ADAMTSL1: variants seen among roughly 807,000 people sequenced by gnomAD.
The protein encoded by ADAMTSL1 is ADAMTS-like protein 1.
Under a neutral mutation model 201.8 loss-of-function variants are expected in ADAMTSL1, and 126 were observed. That is an observed-to-expected ratio of 0.62 (90% CI 0.54 to 0.72). The LOEUF is 0.72. Ranked by LOEUF, ADAMTSL1 falls within the 30% of genes least tolerant of loss-of-function variation. The probability of loss-of-function intolerance (pLI) is 0.00; values close to 1 mark genes in which losing one functional copy is unlikely to be tolerated. For synonymous variants in ADAMTSL1, 1,121 were observed against 903.4 expected (o/e 1.24, Z -4.32); for missense variants, 2,679 against 2,277.8 (o/e 1.18, Z -3.59).
chr9:18,215,288 ATAATC>A (rs1394450874), intron 2 of ADAMTSL1, among the ~76,000 whole-genome samples: 1 of 152,206 alleles, frequency 6.6e-6, no homozygotes, highest in Non-Finnish European at 1.5e-5. Context: ...AATACTGAAA[ATAATC>A]TAACAACTAT....
At chr9:18,708,026 T>G (rs1187297834) in intron 14 of ADAMTSL1, among the ~76,000 whole-genome samples, 1 of 152,268 alleles carries the variant, frequency 6.6e-6, no homozygotes, top group Non-Finnish European at 1.5e-5. Context: ...GCTGATTTCT[T>G]GCCAGATCTT....
intron 2 of ADAMTSL1, among the ~76,000 whole-genome samples, chr9:18,207,890 G>A (rs1331043798): frequency 6.6e-6 from 1 of 151,996 alleles, no homozygotes; most frequent in East Asian, 1.9e-4. Context: ...AAAAAAACAA[G>A]ATAGAATAAG....
At chr9:17,981,306 A>G (rs1028208024) in intron 1 of ADAMTSL1, among the ~76,000 whole-genome samples, 1 of 152,224 alleles carries the variant, frequency 6.6e-6, no homozygotes, top group Non-Finnish European at 1.5e-5. Context: ...GTGTTCTGCT[A>G]TTGCAGACTG....
intron 20 of ADAMTSL1, among the ~76,000 whole-genome samples, chr9:18,810,131 T>A (rs1823410693): frequency 6.6e-6 from 1 of 152,160 alleles, no homozygotes; most frequent in Non-Finnish European, 1.5e-5. Flanking sequence ...AACTGCTTCC[T>A]CCCATTGTGG....
At chr9:18,194,843 C>G (rs1219771892) in intron 2 of ADAMTSL1, among the ~76,000 whole-genome samples, 1 of 152,064 alleles carries the variant, frequency 6.6e-6, no homozygotes, top group Non-Finnish European at 1.5e-5. Context: ...CGCCTTTATT[C>G]CTGGCCAAGT....
intron 2 of ADAMTSL1, among the ~76,000 whole-genome samples, chr9:18,325,868 G>A (rs565059665): frequency 2.1e-3 from 318 of 152,180 alleles, no homozygotes; most frequent in African/African-American, 7.2e-3. Flanking sequence ...CGCCTCCCGC[G>A]TCGCTGGGAT....
At chr9:18,253,635 C>T (rs370512664) in intron 2 of ADAMTSL1, among the ~76,000 whole-genome samples, 4 of 152,262 alleles carry the variant, frequency 2.6e-5, no homozygotes, top group Non-Finnish European at 4.4e-5. Flanking sequence ...GGGGAAAATG[C>T]TTCTTTCTAG....
intron 1 of ADAMTSL1, among the ~76,000 whole-genome samples, chr9:17,979,918 T>A (rs954900077): frequency 9.2e-5 from 14 of 152,010 alleles, no homozygotes; most frequent in Admixed American, 9.2e-4. Flanking sequence ...TCTGCTTGGG[T>A]CCAGAAGGAC....
chr9:18,902,715 A>C (rs1382738510), intron 26 of ADAMTSL1, among the ~76,000 whole-genome samples: 1 of 152,134 alleles, frequency 6.6e-6, no homozygotes, highest in Non-Finnish European at 1.5e-5. Context: ...AGCAAACTAA[A>C]CCTAACGCTA....
At chr9:18,243,456 A>T (rs2132458807) in intron 2 of ADAMTSL1, among the ~76,000 whole-genome samples, 1 of 152,214 alleles carries the variant, frequency 6.6e-6, no homozygotes, top group East Asian at 1.9e-4. Context: ...AAATCCGATT[A>T]TGTTTTATCA....
intron 20 of ADAMTSL1, among the ~76,000 whole-genome samples, chr9:18,805,096 C>T (rs903160822): frequency 1.3e-5 from 2 of 152,154 alleles, no homozygotes; most frequent in African/African-American, 4.8e-5. Flanking sequence ...TTCTTGAACT[C>T]TAATGGGGGT....
chr9:18,338,883 T>C (rs1323488421), intron 2 of ADAMTSL1, among the ~76,000 whole-genome samples: 3 of 152,164 alleles, frequency 2.0e-5, no homozygotes, highest in Non-Finnish European at 4.4e-5. Flanking sequence ...GTATTTGGTT[T>C]TCTGTTCCTG....
rs1167361888 is a variant in ADAMTSL1 at position 18,286,587 on chromosome 9, C to T, written c.207+122606C>T. On this transcript the variant is annotated intron_variant, in intron 2 of 29. Coordinates refer to the ADAMTSL1 transcript ENST00000680146. ...GCAGTTTATGGTTTTCAGATATAATCATTTTAATGCAGCAGTCCAGAAATA... is the reference window on the plus strand; with the variant it reads ...GCAGTTTATGGTTTTCAGATATAATTATTTTAATGCAGCAGTCCAGAAATA... Among the ~76,000 whole-genome samples the T allele has an allele frequency of 1.3e-4, 7 of 54,670 alleles. 2 individuals are homozygous for T. The highest frequency in any genetic ancestry group is 3.0e-4 in the Non-Finnish European group (6 of 19,826). 35.9% of individuals were successfully genotyped at this position (54,670 alleles called of 152,430 possible).
At chr9:18,269,042 T>C (rs936629847) in intron 2 of ADAMTSL1, among the ~76,000 whole-genome samples, 1 of 152,142 alleles carries the variant, frequency 6.6e-6, no homozygotes, top group Admixed American at 6.6e-5. Context: ...GTATATAACT[T>C]ACACAGTCTA....
intron 2 of ADAMTSL1, among the ~76,000 whole-genome samples, chr9:18,409,738 TC>T (rs1367988916): frequency 1.6e-4 from 24 of 150,568 alleles, no homozygotes; most frequent in African/African-American, 5.6e-4. Context: ...CATATAAGTA[TC>T]ATGTATATAT....
At chr9:18,886,166 G>GTATA (rs751978972) in intron 23 of ADAMTSL1, among the ~76,000 whole-genome samples, 14 of 37,112 alleles carry the variant, frequency 3.8e-4, no homozygotes, top group Non-Finnish European at 4.9e-4. Context: ...GTGTGTATGT[G>GTATA]TATATATATA....
At chr9:18,429,237 T>G (rs1272276314) in intron 2 of ADAMTSL1, among the ~76,000 whole-genome samples, 1 of 152,230 alleles carries the variant, frequency 6.6e-6, no homozygotes, top group African/African-American at 2.4e-5. Context: ...ACTCTCTACT[T>G]GGAAATCATA....
chr9:18,407,162 G>A (rs914112396), intron 2 of ADAMTSL1, among the ~76,000 whole-genome samples: 2 of 152,176 alleles, frequency 1.3e-5, no homozygotes, highest in East Asian at 3.8e-4. Flanking sequence ...TATACAAAGT[G>A]CAGGAAGAGC....
At chr9:18,653,241 C>T (rs1404236204) in intron 7 of ADAMTSL1, among the ~76,000 whole-genome samples, 1 of 152,200 alleles carries the variant, frequency 6.6e-6, no homozygotes, top group Non-Finnish European at 1.5e-5. Flanking sequence ...TCCTGCCTCG[C>T]TCCCCACCAC....
Sources: allele counts gnomAD v4.1 joint callset (sites outside exome capture counted in the v4.1 genomes callset), GRCh38; gene constraint gnomAD v4.1.1; transcripts MANE v1.5; gene names NCBI Gene and HGNC (gene_info 2026-07-23, HGNC 2026-07-21).